CSMD1: variants seen among roughly 807,000 people sequenced by gnomAD.
CSMD1 encodes the protein CUB and Sushi multiple domains 1.
In CSMD1, 213 loss-of-function variants were observed where a neutral mutation model predicts 417.5. The ratio of observed to expected loss-of-function variants is 0.51; its 90% confidence interval spans 0.46 to 0.57. The LOEUF is 0.57. Among genes scored for constraint, CSMD1 ranks in the 20% least tolerant of loss-of-function variants. CSMD1 has a pLI of 0.00. For synonymous variants in CSMD1, 2,862 were observed against 1,736.8 expected (o/e 1.65, Z -16.11); for missense variants, 6,923 against 4,529.7 (o/e 1.53, Z -15.17).
At chr8:4,778,513 G>A (rs989223018) in intron 1 of CSMD1, among the ~76,000 whole-genome samples, 3 of 152,232 alleles carry the variant, frequency 2.0e-5, no homozygotes, top group South Asian at 4.1e-4. Context: ...TAAGTGGCAC[G>A]GTATAAGCAT....
At chr8:3,930,611 T>G (rs1373715528) in intron 5 of CSMD1, among the ~76,000 whole-genome samples, 4 of 150,184 alleles carry the variant, frequency 2.7e-5, no homozygotes, top group African/African-American at 9.8e-5. Context: ...GACACAGCAG[T>G]AGGGTGGCCG....
chr8:3,787,502 T>G (rs1279819864), intron 5 of CSMD1, among the ~76,000 whole-genome samples: 2 of 152,114 alleles, frequency 1.3e-5, no homozygotes, highest in African/African-American at 4.8e-5. Context: ...TGACAGCTTA[T>G]CAGAAGAACC....
intron 5 of CSMD1, among the ~76,000 whole-genome samples, chr8:3,763,710 G>T (rs146025633): frequency 6.6e-6 from 1 of 152,108 alleles, no homozygotes; most frequent in Non-Finnish European, 1.5e-5. Flanking sequence ...GTCATAGTTG[G>T]ATAAACCCTG....
At chr8:4,016,702 T>C (rs913046424) in intron 4 of CSMD1, among the ~76,000 whole-genome samples, 2 of 152,212 alleles carry the variant, frequency 1.3e-5, no homozygotes, top group Non-Finnish European at 2.9e-5. Context: ...ATTTAGCCTT[T>C]AAGTAACATG....
chr8:4,826,411 G>C (rs1427601568), intron 1 of CSMD1, among the ~76,000 whole-genome samples: 3 of 152,144 alleles, frequency 2.0e-5, no homozygotes, highest in Non-Finnish European at 2.9e-5. Context: ...GATGAGCCTG[G>C]AGGGCATTGC....
At chr8:4,247,893 TA>T (rs563797260) in intron 3 of CSMD1, among the ~76,000 whole-genome samples, 2 of 152,186 alleles carry the variant, frequency 1.3e-5, no homozygotes, top group South Asian at 4.1e-4. Flanking sequence ...TCTTGAGGGA[TA>T]AATTTTCACC....
intron 2 of CSMD1, among the ~76,000 whole-genome samples, chr8:4,548,799 G>A (rs1337485138): frequency 6.6e-6 from 1 of 152,094 alleles, no homozygotes; most frequent in Non-Finnish European, 1.5e-5. Flanking sequence ...GGGAAACCAT[G>A]CAACAACCTG....
intron 3 of CSMD1, among the ~76,000 whole-genome samples, chr8:4,387,631 G>T (rs577862541): frequency 3.1e-3 from 372 of 120,468 alleles, no homozygotes; most frequent in Middle Eastern, 6.8e-3. Flanking sequence ...AATTTAATAT[G>T]AAACCATTTA....
intron 3 of CSMD1, among the ~76,000 whole-genome samples, chr8:4,035,437 C>G (rs1797567586): frequency 6.6e-6 from 1 of 152,138 alleles, no homozygotes; most frequent in Non-Finnish European, 1.5e-5. Context: ...TAGTCAGGTC[C>G]TTCAGGAAGG....
chr8:3,934,745 G>T (rs1385002563), intron 5 of CSMD1, among the ~76,000 whole-genome samples: 1 of 152,058 alleles, frequency 6.6e-6, no homozygotes, highest in African/African-American at 2.4e-5. Flanking sequence ...TACTCGGGAG[G>T]CTGAAGCAGG....
intron 3 of CSMD1, among the ~76,000 whole-genome samples, chr8:4,314,819 G>A (rs1182410200): frequency 6.6e-6 from 1 of 152,176 alleles, no homozygotes; most frequent in African/African-American, 2.4e-5. Context: ...CAGGAAAAGG[G>A]CAAAGGATTT....
At chr8:3,162,107 G>T in intron 38 of CSMD1, 52 bp downstream of exon 38, 1 of 1,190,836 alleles carries the variant, frequency 8.4e-7, no homozygotes, top group Non-Finnish European at 1.2e-6. Context: ...TAAGAGAGCT[G>T]CACAAAGATG....
intron 7 of CSMD1, among the ~76,000 whole-genome samples, chr8:3,705,697 C>T (rs186160416): frequency 4.3e-4 from 65 of 152,260 alleles, no homozygotes; most frequent in African/African-American, 1.4e-3. Context: ...GCAACAAAAC[C>T]CTTAGTTGGG....
Position 4,092,014 on chromosome 8 carries a change from A to G in CSMD1, c.416-59915T>C, listed in dbSNP as rs191947761. Reference sequence around the variant, plus strand: ...TAAAAAGTGAAGCTACTTTTACATAATATTACGTAGCACATATCACAGGGA... The same window carrying G: ...TAAAAAGTGAAGCTACTTTTACATAGTATTACGTAGCACATATCACAGGGA... On this transcript the variant is annotated intron_variant, in intron 3 of 69. Coordinates refer to ENST00000635120, the MANE Select transcript of CSMD1 (RefSeq NM_033225.6). Among the ~76,000 whole-genome samples, 4 of 152,302 alleles carry G rather than the reference A, an allele frequency of 2.6e-5. No individual in the cohort carries two copies. In the East Asian group the frequency reaches 7.7e-4, roughly 29 times the overall value.
intron 3 of CSMD1, among the ~76,000 whole-genome samples, chr8:4,151,522 G>A (rs1039583094): frequency 1.3e-5 from 2 of 152,186 alleles, no homozygotes; most frequent in Non-Finnish European, 2.9e-5. Context: ...TTTTGGTAGT[G>A]AAACTTTATC....
chr8:3,552,953 A>G (rs908130515), intron 10 of CSMD1, among the ~76,000 whole-genome samples: 2 of 152,312 alleles, frequency 1.3e-5, no homozygotes, highest in African/African-American at 2.4e-5. Flanking sequence ...AACACAGAGA[A>G]GATTTATATT....
chr8:4,949,436 G>T (rs374139725), intron 1 of CSMD1, among the ~76,000 whole-genome samples: 28 of 152,244 alleles, frequency 1.8e-4, no homozygotes, highest in African/African-American at 6.3e-4. Context: ...TGAGTATGCT[G>T]TATTATTTAT....
At chr8:4,498,095 C>T (rs1001947419) in intron 2 of CSMD1, among the ~76,000 whole-genome samples, 1 of 152,110 alleles carries the variant, frequency 6.6e-6, no homozygotes, top group Non-Finnish European at 1.5e-5. Context: ...TTTTAGTCCT[C>T]AAACATGGAA....
intron 5 of CSMD1, among the ~76,000 whole-genome samples, chr8:3,883,535 C>T (rs1806351437): frequency 6.6e-6 from 1 of 152,090 alleles, no homozygotes; most frequent in South Asian, 2.1e-4. Context: ...GCTTTATGTA[C>T]TATTTAATAA....
Sources: allele counts gnomAD v4.1 joint callset (sites outside exome capture counted in the v4.1 genomes callset), GRCh38; gene constraint gnomAD v4.1.1; transcripts MANE v1.5; gene names NCBI Gene and HGNC (gene_info 2026-07-23, HGNC 2026-07-21).